The following ELMO1 variants were observed in gnomAD, a reference collection of about 807,000 sequenced individuals.
The protein encoded by ELMO1 is engulfment and cell motility protein 1.
Under a neutral mutation model 98.9 loss-of-function variants are expected in ELMO1, and 26 were observed. That is an observed-to-expected ratio of 0.26 (90% CI 0.19 to 0.36). The LOEUF (loss-of-function observed/expected upper bound fraction) is 0.36, where lower values mean the gene tolerates loss of function less well. Among genes scored for constraint, ELMO1 ranks in the 10% least tolerant of loss-of-function variants. The pLI is 1.00. For missense variants in ELMO1, 627 were observed against 935.2 expected (o/e 0.67, Z 4.30); for synonymous variants, 346 against 346.0 (o/e 1.00, Z 0.00).
intron 16 of ELMO1, chr7:36,986,006 C>T (rs1791477951): frequency 3.0e-6 from 3 of 1,002,664 alleles, no homozygotes; most frequent in Non-Finnish European, 3.6e-6. Flanking sequence ...AGTCGTCCCC[C>T]TGAAGAACAA....
At chr7:37,334,291 C>A (rs891748636) in intron 2 of ELMO1, among the ~76,000 whole-genome samples, 5 of 152,002 alleles carry the variant, frequency 3.3e-5, no homozygotes, top group Admixed American at 1.3e-4. Flanking sequence ...ACTAAAAATA[C>A]AAAAATTAGC....
At chr7:36,971,114 G>A (rs1346069950) in intron 16 of ELMO1, among the ~76,000 whole-genome samples, 1 of 152,190 alleles carries the variant, frequency 6.6e-6, no homozygotes, top group Non-Finnish European at 1.5e-5. Context: ...AAGGGAGCTT[G>A]GAAAGGACTA....
chr7:36,968,658 A>C lies in ELMO1; in HGVS notation c.1437+44641T>G, dbSNP rs141889853. 4.0e-3 allele frequency among the ~76,000 whole-genome samples: 615 copies of C among 152,186 alleles called. 20 individuals are homozygous for C. Among genetic ancestry groups the C allele is most frequent in the Admixed American group, 0.033 (500 of 15,288 alleles). Reference sequence around the variant, plus strand: ...TCTACATTTTATTTGATAGATTGTCAATGTCAATTGTCAATTATTTCTATT... The same window carrying C: ...TCTACATTTTATTTGATAGATTGTCCATGTCAATTGTCAATTATTTCTATT... On this transcript the variant is annotated intron_variant, in intron 16 of 21. Coordinates refer to ENST00000310758, the MANE Select transcript of ELMO1 (RefSeq NM_014800.11).
At chr7:37,210,383 C>T (rs989530136) in intron 13 of ELMO1, among the ~76,000 whole-genome samples, 7 of 151,774 alleles carry the variant, frequency 4.6e-5, no homozygotes, top group Non-Finnish European at 1.0e-4. Context: ...AATATGAAAA[C>T]ATTTTCAAAG....
intron 16 of ELMO1, among the ~76,000 whole-genome samples, chr7:37,006,365 C>A (rs561239844): frequency 1.3e-5 from 2 of 152,290 alleles, no homozygotes; most frequent in East Asian, 3.9e-4. Flanking sequence ...AGAGCTTAAT[C>A]CCCACAGTGA....
chr7:36,993,057 C>T (rs574096379), intron 16 of ELMO1, among the ~76,000 whole-genome samples: 17 of 152,230 alleles, frequency 1.1e-4, no homozygotes, highest in Non-Finnish European at 1.8e-4. Context: ...GTCAAGAACA[C>T]AAGCAGACTC....
chr7:37,316,291 T>C (rs4723633), intron 2 of ELMO1, among the ~76,000 whole-genome samples: 77,073 of 152,062 alleles, frequency 0.51, 20,091 homozygotes, highest in East Asian at 0.8. Context: ...TGGAAGCCCA[T>C]GAGGCCAAGT....
chr7:37,167,745 G>A (rs1241691014), intron 13 of ELMO1, among the ~76,000 whole-genome samples: 12 of 152,218 alleles, frequency 7.9e-5, no homozygotes, highest in Admixed American at 3.3e-4. Flanking sequence ...TGGGTAACCC[G>A]ACGTTTCTCT....
At chr7:37,305,448 G>GTGTGTA (rs66989448) in intron 4 of ELMO1, among the ~76,000 whole-genome samples, 58,023 of 151,172 alleles carry the variant, frequency 0.38, 11,577 homozygotes, top group Middle Eastern at 0.61. Flanking sequence ...TACAGATAGT[G>GTGTGTA]TGTGTGTGTG....
chr7:37,337,540 A>AGC (rs1250970169), intron 2 of ELMO1, among the ~76,000 whole-genome samples: 1 of 141,484 alleles, frequency 7.1e-6, no homozygotes, highest in Non-Finnish European at 1.5e-5. Context: ...AAAAAAAAAA[A>AGC]AACACCTATG....
intron 13 of ELMO1, among the ~76,000 whole-genome samples, chr7:37,199,300 C>T (rs1359302471): frequency 1.3e-5 from 2 of 152,118 alleles, no homozygotes; most frequent in Non-Finnish European, 2.9e-5. Context: ...AAATTTTTCC[C>T]TTAAAATAGT....
At chr7:36,956,031 T>C (rs1788414416) in intron 16 of ELMO1, among the ~76,000 whole-genome samples, 1 of 152,224 alleles carries the variant, frequency 6.6e-6, no homozygotes. Context: ...TGTTTAGATC[T>C]CTAGGTCTTA....
chr7:36,886,834 C>T (rs190812903), intron 18 of ELMO1, among the ~76,000 whole-genome samples: 14 of 152,328 alleles, frequency 9.2e-5, no homozygotes, highest in Admixed American at 7.8e-4. Context: ...TTTATAGAGA[C>T]AATTCAGAAA....
intron 1 of ELMO1, among the ~76,000 whole-genome samples, chr7:37,363,593 A>G (rs1306817788): frequency 2.0e-5 from 3 of 152,112 alleles, no homozygotes; most frequent in Non-Finnish European, 1.5e-5. Context: ...TCCTACGATG[A>G]AATGTAGTCT....
chr7:36,960,190 T>G (rs1318182457), intron 16 of ELMO1, among the ~76,000 whole-genome samples: 1 of 152,238 alleles, frequency 6.6e-6, no homozygotes, highest in African/African-American at 2.4e-5. Flanking sequence ...CTGTGAGTAC[T>G]GTGTGCCCCC....
chr7:37,415,171 A>G (rs1268472545), intron 1 of ELMO1, among the ~76,000 whole-genome samples: 5 of 152,354 alleles, frequency 3.3e-5, no homozygotes, highest in African/African-American at 4.8e-5. Context: ...TTCTCTTGCA[A>G]TCTGGAGCCT....
chr7:37,367,205 C>T (rs1801940577), intron 1 of ELMO1, among the ~76,000 whole-genome samples: 1 of 152,194 alleles, frequency 6.6e-6, no homozygotes, highest in Admixed American at 6.5e-5. Context: ...AAGGTCATCT[C>T]CTCAGGGAAG....
At chr7:37,351,911 T>G (rs542948063) in intron 1 of ELMO1, among the ~76,000 whole-genome samples, 1 of 152,360 alleles carries the variant, frequency 6.6e-6, no homozygotes, top group Non-Finnish European at 1.5e-5. Flanking sequence ...GGCCTGCCTT[T>G]CCTCTGTGGG....
intron 16 of ELMO1, among the ~76,000 whole-genome samples, chr7:36,991,772 G>A (rs1417787673): frequency 6.6e-6 from 1 of 152,192 alleles, no homozygotes; most frequent in Non-Finnish European, 1.5e-5. Context: ...GACATCTGTG[G>A]AAGCTTAGGA....
Sources: allele counts gnomAD v4.1 joint callset (sites outside exome capture counted in the v4.1 genomes callset), GRCh38; gene constraint gnomAD v4.1.1; transcripts MANE v1.5; gene names NCBI Gene and HGNC (gene_info 2026-07-23, HGNC 2026-07-21).